GALNT16: variants seen among roughly 807,000 people sequenced by gnomAD.
GALNT16 encodes the protein polypeptide N-acetylgalactosaminyltransferase 16.
Under a neutral mutation model 76.1 loss-of-function variants are expected in GALNT16, and 40 were observed. That is an observed-to-expected ratio of 0.53 (90% CI 0.41 to 0.68). The LOEUF (loss-of-function observed/expected upper bound fraction) is 0.68. GALNT16 is among the 30% of genes least tolerant of loss of function. GALNT16 has a pLI of 0.00. For missense variants in GALNT16, 621 were observed against 731.9 expected (o/e 0.85, Z 1.75); for synonymous variants, 276 against 285.2 (o/e 0.97, Z 0.32).
chr14:69,313,857 T>C (rs539300863), intron 1 of GALNT16, among the ~76,000 whole-genome samples: 1 of 144,646 alleles, frequency 6.9e-6, no homozygotes, highest in African/African-American at 2.4e-5. Flanking sequence ...AATACAAATA[T>C]AGGCCAAAAA....
intron 1 of GALNT16, among the ~76,000 whole-genome samples, chr14:69,314,174 C>T (rs972306548): frequency 2.6e-5 from 4 of 152,208 alleles, no homozygotes; most frequent in African/African-American, 9.7e-5. Context: ...AGGCAGACAA[C>T]GTATATAATA....
chr14:69,358,306 G>A (rs1324700896), downstream of GALNT16: 2 of 152,484 alleles, frequency 1.3e-5, no homozygotes, highest in African/African-American at 2.4e-5. Flanking sequence ...CATGGCAGGA[G>A]GCTTGCTCCT....
chr14:69,320,997 A>C, intron 2 of GALNT16, 129 bp downstream of exon 2: 1 of 977,478 alleles, frequency 1.0e-6, no homozygotes, highest in Non-Finnish European at 1.5e-6. Context: ...TGATTTAGAC[A>C]TTCAAAAACC....
In GALNT16 at chr14:69,260,254, G is replaced by C; in HGVS notation, c.-37G>C. On this transcript the variant is annotated 5_prime_UTR_variant, in exon 1 of 15. Coordinates refer to ENST00000448469, the MANE Select transcript of GALNT16 (RefSeq NM_001168368.2). ...CCCGCCCCGGCCCCGAGAGCACGCC[G>C]GCCCAGTCCCCCACCTGGGGCGCCC... The C allele has an allele frequency of 6.5e-7, 1 of 1,530,522 alleles. No homozygotes were observed. The highest frequency in any genetic ancestry group is 8.9e-7 in the Non-Finnish European group (1 of 1,123,366). The allele number at this position is 1,530,522 out of a possible 1,614,324, so 94.8% of individuals were successfully genotyped here.
chr14:69,261,564 A>G lies in GALNT16; in HGVS notation c.177+1097A>G, dbSNP rs2044273304. On this transcript the variant is annotated intron_variant, in intron 1 of 14. Transcript: ENST00000448469. This position sits in a 1 kb window ranked among gnomAD's most constrained non-coding sequence, Gnocchi z 6.4. ...AGTGAGGAAGCGTGGCGATTCCGAC[A>G]AGGAAAGATCTGGGCCTGGGGGTGG... Among the ~76,000 whole-genome samples, 2 of 150,842 alleles carry G rather than the reference A, an allele frequency of 1.3e-5. No individual in the cohort carries two copies. Among genetic ancestry groups the G allele is most frequent in the African/African-American group, 4.9e-5 (2 of 40,998 alleles).
chr14:69,365,993 T>C, the GALNT16 span, among the ~76,000 whole-genome samples: 1 of 152,290 alleles, frequency 6.6e-6, no homozygotes, highest in South Asian at 2.1e-4. Context: ...TAATAGGTGT[T>C]ATGTACAAAT....
At chr14:69,284,038 C>A (rs1022818821) in intron 1 of GALNT16, among the ~76,000 whole-genome samples, 4 of 152,186 alleles carry the variant, frequency 2.6e-5, no homozygotes, top group African/African-American at 9.7e-5. Flanking sequence ...CCTTACCCAT[C>A]CTGATTTGGA....
chr14:69,304,908 T>C (rs1413820710), intron 1 of GALNT16, among the ~76,000 whole-genome samples: 1 of 152,208 alleles, frequency 6.6e-6, no homozygotes, highest in African/African-American at 2.4e-5. Flanking sequence ...TTGGCTATTG[T>C]GAATAATGCT....
intron 1 of GALNT16, among the ~76,000 whole-genome samples, chr14:69,280,088 A>T (rs190294407): frequency 6.6e-6 from 1 of 152,366 alleles, no homozygotes; most frequent in East Asian, 1.9e-4. Flanking sequence ...GTACAATTCA[A>T]TGGCATTAAA....
chr14:69,326,144 G>A, intron 5 of GALNT16, 117 bp downstream of exon 5: 2 of 786,162 alleles, frequency 2.5e-6, no homozygotes, highest in Non-Finnish European at 2.2e-6. Flanking sequence ...CTGCATTCCT[G>A]ATGGCTGAGA....
intron 1 of GALNT16, among the ~76,000 whole-genome samples, chr14:69,307,696 G>A (rs1185933080): frequency 1.3e-5 from 2 of 152,136 alleles, no homozygotes; most frequent in South Asian, 4.1e-4. Context: ...TGCCCTGCCT[G>A]CCCACCTCAA....
the GALNT16 span, among the ~76,000 whole-genome samples, chr14:69,370,983 A>G: frequency 2.2e-3 from 330 of 152,344 alleles, 2 homozygotes; most frequent in Non-Finnish European, 3.3e-3. Flanking sequence ...AGCTTGATAC[A>G]ATTTTAAAAA....
At chr14:69,276,394 G>A (rs1303440475) in intron 1 of GALNT16, among the ~76,000 whole-genome samples, 4 of 152,164 alleles carry the variant, frequency 2.6e-5, no homozygotes, top group Admixed American at 1.3e-4. Flanking sequence ...TAAGAAAGAA[G>A]CTTGGAGGCT....
At chr14:69,331,669 C>T (rs901400433) in intron 7 of GALNT16, 118 bp downstream of exon 7, 6 of 701,780 alleles carry the variant, frequency 8.5e-6, no homozygotes, top group South Asian at 3.2e-5. Flanking sequence ...CATGAACACC[C>T]CTTCCACCAC....
rs941622776 is a variant in GALNT16, at chr14:69,261,016, G to A, written c.177+549G>A. Among the ~76,000 whole-genome samples the A allele has an allele frequency of 2.0e-5, 3 of 152,182 alleles. No individual in the cohort carries two copies. Among genetic ancestry groups the A allele is most frequent in the Admixed American group, 6.5e-5 (1 of 15,278 alleles). ...GGGTCAACTTGAACCCGCTTCTTCGGCGCGGACACCCAGCTTCCCCGGAGT... is the reference window on the plus strand; with the variant it reads ...GGGTCAACTTGAACCCGCTTCTTCGACGCGGACACCCAGCTTCCCCGGAGT... On this transcript the variant is annotated intron_variant, in intron 1 of 14. Transcript: ENST00000448469. The surrounding 1 kb of genome is among the most constrained non-coding windows in gnomAD (Gnocchi z 6.4).
chr14:69,262,491 G>A (rs1176036064), intron 1 of GALNT16, among the ~76,000 whole-genome samples: 1 of 152,182 alleles, frequency 6.6e-6, no homozygotes, highest in African/African-American at 2.4e-5. Context: ...TTCCCACAGG[G>A]TTTGACTTGC....
Position 69,260,169 on chromosome 14 carries a change from G to T in GALNT16, c.-122G>T. On this transcript the variant is annotated 5_prime_UTR_variant, in exon 1 of 15. Transcript: ENST00000448469. ...GCCCCCCCACCTCTCTCCTTTTTCT[G>T]CTCTGCAGGACTGAGCAGCTAGGCG... The T allele has an allele frequency of 1.1e-5, 2 of 175,524 alleles. No homozygotes were observed. Among genetic ancestry groups the T allele is most frequent in the Non-Finnish European group, 1.1e-5 (1 of 92,748 alleles). The allele number at this position is 175,524 out of a possible 1,614,324, so 10.9% of individuals were successfully genotyped here.
At chr14:69,264,879 T>A (rs1305689201) in intron 1 of GALNT16, among the ~76,000 whole-genome samples, 1 of 143,576 alleles carries the variant, frequency 7.0e-6, no homozygotes, top group Non-Finnish European at 1.5e-5. Context: ...AGTGGCACAG[T>A]CATGATTCAC....
downstream of GALNT16, among the ~76,000 whole-genome samples, chr14:69,359,636 T>C (rs564610136): frequency 6.6e-6 from 1 of 152,176 alleles, no homozygotes; most frequent in East Asian, 1.9e-4. Flanking sequence ...AGAGAAGAAA[T>C]TTGCCCAAGG....
Sources: gnomAD v4.1 joint callset for allele counts (sites outside exome capture counted in the v4.1 genomes callset) on GRCh38, gnomAD v4.1.1 for gene constraint, Gnocchi (gnomAD v3.1) non-coding constraint, MANE v1.5 for transcripts, NCBI Gene and HGNC (gene_info 2026-07-23, HGNC 2026-07-21) for gene names.